The following COL20A1 variants were observed in gnomAD, a reference collection of about 807,000 sequenced individuals.
COL20A1 encodes the protein collagen alpha-1(XX) chain.
In COL20A1, 164 loss-of-function variants were observed where a neutral mutation model predicts 152.9. That is an observed-to-expected ratio of 1.07 (90% CI 0.94 to 1.22). The LOEUF (loss-of-function observed/expected upper bound fraction) is 1.22. Among genes scored for constraint, COL20A1 ranks in the 50% most tolerant of loss-of-function variants. The pLI is 0.00. For missense variants in COL20A1, 1,873 were observed against 1,744.8 expected (o/e 1.07, Z -1.31); for synonymous variants, 864 against 756.0 (o/e 1.14, Z -2.34).
rs762775931 is a variant in COL20A1, at chr20:63,319,181, CCTT to C, written c.2788_2790del (p.Leu930del). ...TGACAGCCGAGGACTTCCAGCCCCT[CCTT>C]GGGGTTCTGCTGGATGGTGACGTGG... On this transcript the variant is annotated inframe_deletion, in exon 22 of 36. Transcript: ENST00000358894. This position sits in a 1 kb window ranked among gnomAD's most constrained non-coding sequence, Gnocchi z 4.4. 3.7e-6 allele frequency: 6 copies of C among 1,612,804 alleles called. No individual in the cohort carries two copies. Among genetic ancestry groups the C allele is most frequent in the Non-Finnish European group, 5.1e-6 (6 of 1,179,730 alleles).
intron 21 of COL20A1, 60 bp downstream of exon 21, chr20:63,316,751 G>A (rs1284206941): frequency 8.4e-6 from 12 of 1,434,722 alleles, no homozygotes; most frequent in Non-Finnish European, 1.0e-5. Context: ...TGAAGATTAG[G>A]AGGACATGGT....
In COL20A1 at chr20:63,305,411, A is replaced by C; in HGVS notation, c.194-6A>C. 6.6e-7 allele frequency: 1 copy of C among 1,513,710 alleles called. No homozygotes were observed. The allele number at this position is 1,513,710 out of a possible 1,614,324, so 93.8% of individuals were successfully genotyped here. A position where few individuals can be genotyped will look rare whatever the true frequency, so the allele number is the denominator to read the frequency against. On this transcript the variant is annotated splice_region_variant and splice_polypyrimidine_tract_variant and intron_variant, in intron 3 of 35. Coordinates refer to ENST00000358894, the MANE Select transcript of COL20A1 (RefSeq NM_020882.4). This position sits in a 1 kb window ranked among gnomAD's most constrained non-coding sequence, Gnocchi z 4.9. Reference sequence around the variant, plus strand: ...GGCCTCTAAAGCTCTCCCCACCCCTACCCAGGGGACTCGGAACAGGAGGTG... The same window carrying C: ...GGCCTCTAAAGCTCTCCCCACCCCTCCCCAGGGGACTCGGAACAGGAGGTG...
rs931102104 is a variant in COL20A1, at chr20:63,326,144, C to T, written c.3451C>T (p.Pro1151Ser). 1.9e-6 allele frequency: 3 copies of T among 1,611,782 alleles called. No homozygotes were observed. Among genetic ancestry groups the T allele is most frequent in the Admixed American group, 1.7e-5 (1 of 60,002 alleles). Residue 1151 changes from proline (P) to serine (S), a missense_variant, in exon 30 of 36, where the codon CCC becomes TCC. Transcript: ENST00000358894. ...TGCTGGCCTGCCTGGACCCCCTGGC[C>T]CCAGGGTAGGCACCGACCTCCCATG... ...GTAGLPGPPG[P>S]RGFQGMAGAR... is the part of the protein sequence containing the mutation.
At position 63,332,954 on chromosome 20, in the gene COL20A1, A is replaced by C. The variant is rs1349785808; in HGVS notation, c.*2238A>C. On this transcript the variant is annotated 3_prime_UTR_variant, in exon 36 of 36. Transcript: ENST00000358894. ...GCCTGGCTCCTGTTTGCAGGAAGGC[A>C]GCCTCCCCGAGACCCAGCCGACCTG... 1 of 152,174 alleles carries C rather than the reference A, an allele frequency of 6.6e-6. No homozygotes were observed. Among genetic ancestry groups the C allele is most frequent in the East Asian group, 1.9e-4 (1 of 5,166 alleles). The allele number at this position is 152,174 out of a possible 1,614,324, so 9.4% of individuals were successfully genotyped here.
chr20:63,324,629 C>T (rs945851080), intron 27 of COL20A1: 9 of 152,520 alleles, frequency 5.9e-5, no homozygotes, highest in East Asian at 1.9e-4. Flanking sequence ...TTGCTGCATC[C>T]GTCGAAAATC....
At position 63,308,699 on chromosome 20, in the gene COL20A1, C is replaced by T. The variant is rs371146289; in HGVS notation, c.933C>T (p.Phe311=). 22 of 1,601,714 alleles carry T rather than the reference C, an allele frequency of 1.4e-5. No individual in the cohort carries two copies. The highest frequency in any genetic ancestry group is 1.4e-4 in the East Asian group (6 of 44,332). Residue 311 remains phenylalanine, a synonymous_variant, in exon 8 of 36, where the codon TTC becomes TTT. Coordinates refer to ENST00000358894, the MANE Select transcript of COL20A1 (RefSeq NM_020882.4). ...TCAAGGACCTGGGCGTGAACGTCTT[C>T]GCTGTGGGTGAGCACCATGCGGCTC... ...RVLKDLGVNV[F]AVGVKNADEA...
At position 63,306,951 on chromosome 20, in the gene COL20A1, CAG is replaced by C. The variant is rs1277904239; in HGVS notation, c.497-538_497-537del. 1.3e-5 allele frequency among the ~76,000 whole-genome samples: 2 copies of C among 152,226 alleles called. No homozygotes were observed. Among genetic ancestry groups the C allele is most frequent in the Admixed American group, 6.5e-5 (1 of 15,292 alleles). On this transcript the variant is annotated intron_variant, in intron 5 of 35. Coordinates refer to ENST00000358894, the MANE Select transcript of COL20A1 (RefSeq NM_020882.4). The surrounding 1 kb of genome is among the most constrained non-coding windows in gnomAD (Gnocchi z 6.9). ...GGAGTGTCCCCACCCATGCAGGCCT[CAG>C]GGCAGCTGGGCCTCTTCGGTCGCCC...
chr20:63,296,280 C>T (rs2067792981), intron 2 of COL20A1, among the ~76,000 whole-genome samples: 1 of 152,286 alleles, frequency 6.6e-6, no homozygotes. Context: ...AAGAAGCTTG[C>T]ACTGTCAATT....
chr20:63,325,870 T>C, intron 29 of COL20A1, 149 bp downstream of exon 29: 1 of 818,440 alleles, frequency 1.2e-6, no homozygotes, highest in Non-Finnish European at 2.0e-6. Context: ...CCCTTCAGCC[T>C]GTGGCCTGGC....
intron 11 of COL20A1, 87 bp downstream of exon 11, chr20:63,310,597 T>G: frequency 1.4e-6 from 2 of 1,390,966 alleles, no homozygotes; most frequent in East Asian, 2.5e-5. Flanking sequence ...CAGGGCAGCA[T>G]AGCGAGCAGC....
intron 19 of COL20A1, 63 bp downstream of exon 19, chr20:63,314,264 G>T (rs566963352): frequency 2.2e-4 from 323 of 1,439,424 alleles, no homozygotes; most frequent in Non-Finnish European, 2.9e-4. Context: ...CTAGACCCCA[G>T]ACCCTGCCAG....
At position 63,319,676 on chromosome 20, in the gene COL20A1, C is replaced by A; in HGVS notation, c.2916+80C>A. 1 of 929,812 alleles carries A rather than the reference C, an allele frequency of 1.1e-6. No individual in the cohort carries two copies. Among genetic ancestry groups the A allele is most frequent in the Non-Finnish European group, 1.7e-6 (1 of 596,924 alleles). 57.6% of individuals were successfully genotyped at this position (929,812 alleles called of 1,614,324 possible). The stretch of plus-strand genomic sequence containing the variant: ...AGCCCCACAGGGACCTGCCGGATGC[C>A]AACTCCTCTCCCTAGGAGAGCAGGA... On this transcript the variant is annotated intron_variant, in intron 23 of 35. Transcript: ENST00000358894. This position sits in a 1 kb window ranked among gnomAD's most constrained non-coding sequence, Gnocchi z 4.4.
In COL20A1 at chr20:63,309,469, C is replaced by G. The variant is rs111641640; in HGVS notation, c.1077C>G (p.Leu359=). The G allele has an allele frequency of 6.5e-7, 1 of 1,534,416 alleles. No homozygotes were observed. The part of the protein sequence containing the change: ...GLLSRLICQR[L]QGGSPRQGPA... ...TCAGCCGTCTCATCTGCCAGAGGCT[C>G]CAGGGTGGGAGCCCGCGGCAGGGCC... The change falls in exon 9 of 36, where the codon CTC becomes CTG. Residue 359 remains leucine, a synonymous_variant. Coordinates refer to ENST00000358894, the MANE Select transcript of COL20A1 (RefSeq NM_020882.4).
chr20:63,322,390 C>G (rs1374277104), intron 27 of COL20A1, among the ~76,000 whole-genome samples: 1 of 152,174 alleles, frequency 6.6e-6, no homozygotes, highest in South Asian at 2.1e-4. Flanking sequence ...CCCCATGGCC[C>G]AGCAGGGGAA....
At position 63,332,581 on chromosome 20, in the gene COL20A1, A is replaced by C. The variant is rs1172842371; in HGVS notation, c.*1865A>C. 6.6e-6 allele frequency: 1 copy of C among 152,212 alleles called. No individual in the cohort carries two copies. The highest frequency in any genetic ancestry group is 6.5e-5 in the Admixed American group (1 of 15,272). 9.4% of individuals were successfully genotyped at this position (152,212 alleles called of 1,614,324 possible). On this transcript the variant is annotated 3_prime_UTR_variant, in exon 36 of 36. Transcript: ENST00000358894. ...CTCCAATTTGATGAAGGGACTGGGC[A>C]CTGGGTGGCTGAGACCACATTGGCA...
In COL20A1 at chr20:63,315,484, C is replaced by G. The variant is rs551754445; in HGVS notation, c.2524+45C>G. On this transcript the variant is annotated intron_variant, in intron 20 of 35. Transcript: ENST00000358894. ...CCCTGCCTGCCCACCCACAGTCTCT[C>G]GGGCTCTTCCTGGGCGTGGGGGCCA... The G allele has an allele frequency of 2.1e-4, 320 of 1,518,698 alleles. 8 individuals carry two copies. The South Asian group carries it at 3.7e-3, about 18-fold the overall frequency. 94.1% of individuals were successfully genotyped at this position (1,518,698 alleles called of 1,614,324 possible).
At chr20:63,318,740 A>G (rs2068116937) in intron 21 of COL20A1, among the ~76,000 whole-genome samples, 1 of 152,006 alleles carries the variant, frequency 6.6e-6, no homozygotes, top group African/African-American at 2.4e-5. Flanking sequence ...CTTCTGTTGA[A>G]TCCTCCTCAT....
At chr20:63,316,070 G>A (rs1376859477) in intron 20 of COL20A1, among the ~76,000 whole-genome samples, 1 of 152,198 alleles carries the variant, frequency 6.6e-6, no homozygotes, top group African/African-American at 2.4e-5. Context: ...CAGGGTGGAT[G>A]GAGCGAGCTG....
chr20:63,334,215 G>C lies in COL20A1; in HGVS notation c.*3499G>C, dbSNP rs2068366729. The stretch of plus-strand genomic sequence containing the variant: ...TGATGAAACTGGAAAAACAACCAAT[G>C]ATAACAAGCTAAAGAATGCCTCTAG... On this transcript the variant is annotated 3_prime_UTR_variant, in exon 36 of 36. Transcript: ENST00000358894. 1 of 152,168 alleles carries C rather than the reference G, an allele frequency of 6.6e-6. No homozygotes were observed. Among genetic ancestry groups the C allele is most frequent in the South Asian group, 2.1e-4 (1 of 4,828 alleles). The allele number at this position is 152,168 out of a possible 1,614,324, so 9.4% of individuals were successfully genotyped here.
Sources: allele counts gnomAD v4.1 joint callset (sites outside exome capture counted in the v4.1 genomes callset), GRCh38; gene constraint gnomAD v4.1.1; non-coding constraint Gnocchi (gnomAD v3.1); transcripts MANE v1.5; gene names NCBI Gene and HGNC (gene_info 2026-07-23, HGNC 2026-07-21).